ZMAT1: variants seen among roughly 807,000 people sequenced by gnomAD.
The protein encoded by ZMAT1 is zinc finger matrin-type protein 1.
A neutral mutation model predicts 18.5 loss-of-function variants in ZMAT1; 11 were observed. The ratio of observed to expected loss-of-function variants is 0.59; its 90% CI spans 0.37 to 0.98. The LOEUF (loss-of-function observed/expected upper bound fraction) is 0.98. ZMAT1 is among the 50% of genes least tolerant of loss of function. The pLI, the probability that ZMAT1 is intolerant of heterozygous loss-of-function variation, is 0.01. For missense variants in ZMAT1, 525 were observed against 496.2 expected (o/e 1.06, Z -0.55); for synonymous variants, 211 against 176.4 (o/e 1.20, Z -1.55).
chrX:101,895,834 A>C lies in ZMAT1; in HGVS notation c.676+2034T>G, dbSNP rs200660201. On this transcript the variant is annotated intron_variant, in intron 4 of 5. Transcript: ENST00000651725. ...CCCACCTGTAGGAGGCTTGACAGGA[A>C]GGGGCTTCAGGAATGTTGACTCTGC... The C allele has an allele frequency of 1.4e-3, 1,044 of 751,532 alleles. 1 individual carries two copies. The highest frequency in any genetic ancestry group is 1.6e-3 in the Non-Finnish European group (1,016 of 638,108). 61.9% of individuals were successfully genotyped at this position (751,532 alleles called of 1,213,427 possible). A position where few individuals can be genotyped will look rare whatever the true frequency, so the allele number is the denominator to read the frequency against.
intron 1 of ZMAT1, among the ~76,000 whole-genome samples, chrX:101,920,211 T>A (rs762329440): frequency 2.7e-4 from 30 of 109,981 alleles, no homozygotes; most frequent in African/African-American, 7.9e-4. Flanking sequence ...GCTAATTTTT[T>A]TATTTTTTGT....
At chrX:101,904,435 G>T in intron 1 of ZMAT1, 105 bp from the exon 2 acceptor site, 1 of 577,847 alleles carries the variant, frequency 1.7e-6, no homozygotes, top group South Asian at 3.6e-5. Flanking sequence ...CTTCAAATTT[G>T]AGTGCTTGTG....
intron 2 of ZMAT1, among the ~76,000 whole-genome samples, chrX:101,902,999 T>C (rs1045919757): frequency 1.8e-5 from 2 of 111,734 alleles, no homozygotes; most frequent in African/African-American, 6.5e-5. Flanking sequence ...CTACAAGTGA[T>C]AGAATTATAA....
At chrX:101,891,273 G>A (rs1387642607) in intron 4 of ZMAT1, among the ~76,000 whole-genome samples, 1 of 111,644 alleles carries the variant, frequency 9.0e-6, no homozygotes, top group African/African-American at 3.3e-5. Context: ...ATCTAGAGAA[G>A]TCTAAAATAA....
chrX:101,897,965 A>T lies in ZMAT1; in HGVS notation c.579T>A (p.Ala193=), dbSNP rs1371275523. The change falls in exon 4 of 6, where the codon GCT becomes GCA. Residue 193 remains alanine (A), a synonymous_variant. Coordinates refer to ENST00000651725, the MANE Select transcript of ZMAT1 (RefSeq NM_001394560.1). ...CNMMFSSPLI[A]QSHYVGKVHA... The stretch of plus-strand genomic sequence containing the variant: ...GGACCTTTCCCACATAGTGAGACTG[A>T]GCAATAAGTGGAGAGCTAAACATCA... The T allele has an allele frequency of 8.3e-7, 1 of 1,209,847 alleles. No homozygotes were observed. The highest frequency in any genetic ancestry group is 1.7e-5 in the African/African-American group (1 of 57,185).
At chrX:101,892,449 AT>A (rs1183140074) in intron 4 of ZMAT1, among the ~76,000 whole-genome samples, 3 of 111,335 alleles carry the variant, frequency 2.7e-5, no homozygotes, top group Non-Finnish European at 5.7e-5. Context: ...ATTTGATAAG[AT>A]TTGCTAATGG....
intron 1 of ZMAT1, among the ~76,000 whole-genome samples, chrX:101,907,143 C>T (rs1450784765): frequency 8.9e-6 from 1 of 112,277 alleles, no homozygotes; most frequent in Non-Finnish European, 1.9e-5. Flanking sequence ...GTGTCAGGCC[C>T]ATCCAGTGTT....
At chrX:101,929,433 A>ATTC (rs763838173) in intron 1 of ZMAT1, among the ~76,000 whole-genome samples, 1 of 59,441 alleles carries the variant, frequency 1.7e-5, no homozygotes. Flanking sequence ...TTATATATAT[A>ATTC]TATATATATA....
At chrX:101,925,145 GT>G (rs1243809039) in intron 1 of ZMAT1, among the ~76,000 whole-genome samples, 2 of 112,341 alleles carry the variant, frequency 1.8e-5, no homozygotes, top group Non-Finnish European at 3.8e-5. Flanking sequence ...AGTGATGGTT[GT>G]TTTGCTACCA....
chrX:101,896,665 A>G (rs1436530809), intron 4 of ZMAT1, among the ~76,000 whole-genome samples: 1 of 112,322 alleles, frequency 8.9e-6, no homozygotes, highest in Non-Finnish European at 1.9e-5. Context: ...CATGGCAGGC[A>G]TGCCTTAGTC....
At chrX:101,908,280 A>G (rs899667078) in intron 1 of ZMAT1, among the ~76,000 whole-genome samples, 2 of 112,237 alleles carry the variant, frequency 1.8e-5, no homozygotes, top group Admixed American at 1.9e-4. Flanking sequence ...GCATAGTGGT[A>G]TAATCTTGAA....
Position 101,891,226 on chromosome X carries a change from C to T in ZMAT1, c.677-4495G>A, listed in dbSNP as rs980323379. ...TAACTTTAAAACTGGCAAAAGTTAG[C>T]GACAGAATGACTGTGACGGATTGGG... On this transcript the variant is annotated intron_variant, in intron 4 of 5. Transcript: ENST00000651725. Among the ~76,000 whole-genome samples the T allele has an allele frequency of 6.3e-5, 7 of 111,596 alleles. No homozygotes were observed. The East Asian group carries it at 8.4e-4, about 13-fold the overall frequency.
In ZMAT1 at chrX:101,883,392, C is replaced by G. The variant is rs767870032; in HGVS notation, c.*118G>C. 3.8e-6 allele frequency: 2 copies of G among 521,205 alleles called. No homozygotes were observed. The highest frequency in any genetic ancestry group is 4.7e-5 in the Admixed American group (1 of 21,416). The allele number at this position is 521,205 out of a possible 1,213,427, so 43.0% of individuals were successfully genotyped here. On this transcript the variant is annotated 3_prime_UTR_variant, in exon 6 of 6. Coordinates refer to ENST00000651725, the MANE Select transcript of ZMAT1 (RefSeq NM_001394560.1). ...TTTTATACAAAAAAAACCTAAGTGT[C>G]CTGAAGTGACACTGACTGTATCTAC...
intron 4 of ZMAT1, chrX:101,889,970 T>C (rs1473072096): frequency 1.8e-5 from 2 of 112,463 alleles, no homozygotes; most frequent in East Asian, 5.6e-4. Flanking sequence ...TATTTTAAAA[T>C]TATGACAGGA....
intron 1 of ZMAT1, among the ~76,000 whole-genome samples, chrX:101,906,157 C>G (rs1369600391): frequency 9.0e-6 from 1 of 111,408 alleles, no homozygotes; most frequent in African/African-American, 3.3e-5. Context: ...GACTTCAGGA[C>G]AGTACCAGTG....
intron 1 of ZMAT1, among the ~76,000 whole-genome samples, chrX:101,926,411 T>G (rs981815519): frequency 8.9e-6 from 1 of 112,495 alleles, no homozygotes; most frequent in Non-Finnish European, 1.9e-5. Context: ...CATTCAAAAG[T>G]GCAGCTGAGT....
At chrX:101,893,716 C>T (rs1205352756) in intron 4 of ZMAT1, among the ~76,000 whole-genome samples, 1 of 111,407 alleles carries the variant, frequency 9.0e-6, no homozygotes, top group Non-Finnish European at 1.9e-5. Flanking sequence ...TGCAGAGATA[C>T]TTAGAAATGC....
At chrX:101,905,268 T>C (rs141604206) in intron 1 of ZMAT1, among the ~76,000 whole-genome samples, 3 of 112,460 alleles carry the variant, frequency 2.7e-5, no homozygotes, top group Non-Finnish European at 5.6e-5. Context: ...AGCTATAATG[T>C]AATGTTCATA....
At chrX:101,899,001 T>G (rs1928032521) in intron 2 of ZMAT1, among the ~76,000 whole-genome samples, 1 of 110,674 alleles carries the variant, frequency 9.0e-6, no homozygotes, top group Non-Finnish European at 1.9e-5. Flanking sequence ...CGAGCCGAGA[T>G]TGCGCCACTG....
Sources: gnomAD v4.1 joint callset for allele counts (sites outside exome capture counted in the v4.1 genomes callset) on GRCh38, gnomAD v4.1.1 for gene constraint, MANE v1.5 for transcripts, NCBI Gene and HGNC (gene_info 2026-07-23, HGNC 2026-07-21) for gene names.